The following PON3 variants were observed in gnomAD, a reference collection of about 807,000 sequenced individuals.
PON3 encodes the protein serum paraoxonase/lactonase 3.
A neutral mutation model predicts 36.3 loss-of-function variants in PON3; 37 were observed. The ratio of observed to expected loss-of-function variants is 1.02; its 90% CI spans 0.78 to 1.34. The LOEUF (loss-of-function observed/expected upper bound fraction) is 1.34, where lower values mean the gene tolerates loss of function less well. Ranked by LOEUF, PON3 falls within the 40% of genes most tolerant of loss-of-function variation. The probability of loss-of-function intolerance (pLI) is 0.00; values close to 1 mark genes in which losing one functional copy is unlikely to be tolerated. For synonymous variants in PON3, 155 were observed against 154.8 expected (o/e 1.00, Z -0.01); for missense variants, 415 against 426.5 (o/e 0.97, Z 0.24).
chr7:95,384,175 C>T (rs1160371881), intron 3 of PON3, among the ~76,000 whole-genome samples: 2 of 152,138 alleles, frequency 1.3e-5, no homozygotes, highest in African/African-American at 4.8e-5. Context: ...AACTGGATCC[C>T]TTCCTCACAC....
chr7:95,386,254 A>G (rs552331341), intron 3 of PON3, among the ~76,000 whole-genome samples: 2 of 152,230 alleles, frequency 1.3e-5, no homozygotes, highest in Non-Finnish European at 2.9e-5. Context: ...TAAAGAAGAA[A>G]TGAGAGACGA....
Position 95,362,448 on chromosome 7 carries a change from G to A in PON3, c.820C>T (p.Pro274Ser), listed in dbSNP as rs1265571309. The A allele has an allele frequency of 1.9e-6, 3 of 1,613,694 alleles. No homozygotes were observed. Among genetic ancestry groups the A allele is most frequent in the South Asian group, 1.1e-5 (1 of 91,068 alleles). ...CCTGCCAAAATGTCTCCTGTGGCAG[G>A]ATCGACAGTCAGGTTATCCACTAAG... ...GTLVDNLTVD[P>S]ATGDILAGCH... Residue 274 changes from proline to serine, a missense_variant, in exon 8 of 9, where the codon CCT becomes TCT. By Grantham distance (74) the Pro-to-Ser change is moderately conservative. Transcript: ENST00000265627.
intron 4 of PON3, among the ~76,000 whole-genome samples, chr7:95,370,714 T>A (rs1388595207): frequency 6.6e-6 from 1 of 152,232 alleles, no homozygotes; most frequent in African/African-American, 2.4e-5. Flanking sequence ...AATTATGAAC[T>A]GTGAACAAGT....
chr7:95,367,303 A>G, intron 5 of PON3, 59 bp downstream of exon 5: 1 of 1,596,378 alleles, frequency 6.3e-7, no homozygotes, highest in Admixed American at 1.7e-5. Flanking sequence ...ACCAAAAAAT[A>G]CAAAGCACAC....
chr7:95,384,318 C>A (rs1187490742), intron 3 of PON3, among the ~76,000 whole-genome samples: 1 of 152,094 alleles, frequency 6.6e-6, no homozygotes, highest in African/African-American at 2.4e-5. Flanking sequence ...ACTAAAACAC[C>A]AAAAGCAATG....
At chr7:95,377,750 C>G in intron 3 of PON3, 1 of 172,482 alleles carries the variant, frequency 5.8e-6, no homozygotes, top group Non-Finnish European at 1.3e-5. Flanking sequence ...AAGAGCACAT[C>G]TACACCAAAA....
chr7:95,359,943 C>CTT lies in PON3; in HGVS notation c.*28_*29dup, dbSNP rs76171675. 12,427 of 1,460,498 alleles carry CTT rather than the reference C, an allele frequency of 8.5e-3. 112 individuals are homozygous for CTT. Among genetic ancestry groups the CTT allele is most frequent in the African/African-American group, 0.056 (3,742 of 66,546 alleles). The allele number at this position is 1,460,498 out of a possible 1,614,324, so 90.5% of individuals were successfully genotyped here. On this transcript the variant is annotated 3_prime_UTR_variant, in exon 9 of 9. Coordinates refer to ENST00000265627, the MANE Select transcript of PON3 (RefSeq NM_000940.3). ...AGTTTACTTTTACAAAATATGTAGA[C>CTT]TTTTTTTTTTTTTTTTTACTATCTA... is the stretch of plus-strand genomic sequence containing the variant.
intron 5 of PON3, among the ~76,000 whole-genome samples, chr7:95,366,834 T>A (rs773386230): frequency 8.5e-5 from 13 of 152,262 alleles, no homozygotes; most frequent in Middle Eastern, 3.2e-3. Context: ...TTTGTGAGAA[T>A]TAAGTTAAAT....
chr7:95,396,358 G>C lies in PON3; in HGVS notation c.-8C>G. ...CGCCACGAGCTTCCCCATGGTCTCG[G>C]GGTGCCCAGCGGCGACTGCGCGGCG... On this transcript the variant is annotated 5_prime_UTR_variant, in exon 1 of 9. Transcript: ENST00000265627. 1 of 1,613,780 alleles carries C rather than the reference G, an allele frequency of 6.2e-7. No homozygotes were observed. Among genetic ancestry groups the C allele is most frequent in the Non-Finnish European group, 8.5e-7 (1 of 1,179,870 alleles).
intron 3 of PON3, among the ~76,000 whole-genome samples, chr7:95,376,755 G>A (rs900795488): frequency 4.6e-5 from 7 of 152,112 alleles, no homozygotes; most frequent in Non-Finnish European, 7.4e-5. Context: ...GCATAACATT[G>A]AAAATTTAAA....
intron 1 of PON3, 153 bp downstream of exon 1, chr7:95,396,124 G>C: frequency 1.2e-6 from 1 of 804,004 alleles, no homozygotes; most frequent in South Asian, 1.4e-5. Flanking sequence ...CCATAAGCGA[G>C]TCTCAAGGGG....
At chr7:95,378,167 G>T (rs1808963134) in intron 3 of PON3, among the ~76,000 whole-genome samples, 1 of 152,084 alleles carries the variant, frequency 6.6e-6, no homozygotes, top group African/African-American at 2.4e-5. Flanking sequence ...AGTGATTGAA[G>T]ACCAAAGTAA....
At chr7:95,390,000 C>T (rs73708231) in intron 3 of PON3, among the ~76,000 whole-genome samples, 154 bp downstream of exon 3, 12 of 152,298 alleles carry the variant, frequency 7.9e-5, no homozygotes, top group African/African-American at 2.6e-4. Context: ...CTAATTAGCC[C>T]TCCAAAATTC....
chr7:95,368,315 C>T (rs1182185426), intron 4 of PON3, among the ~76,000 whole-genome samples: 1 of 152,208 alleles, frequency 6.6e-6, no homozygotes, highest in Non-Finnish European at 1.5e-5. Context: ...CGTGATGGAA[C>T]AAGCCCAAAC....
At chr7:95,376,121 G>A (rs1386755743) in intron 3 of PON3, among the ~76,000 whole-genome samples, 1 of 152,174 alleles carries the variant, frequency 6.6e-6, no homozygotes, top group African/African-American at 2.4e-5. Flanking sequence ...CTCAGGGGAT[G>A]TGAGGGAATA....
Position 95,396,337 on chromosome 7 carries a change from A to C in PON3, c.14T>G (p.Val5Gly). 6.2e-7 allele frequency: 1 copy of C among 1,613,870 alleles called. No individual in the cohort carries two copies. The highest frequency in any genetic ancestry group is 8.5e-7 in the Non-Finnish European group (1 of 1,179,924). Residue 5 changes from valine (V) to glycine (G), a missense_variant, in exon 1 of 9, where the codon GTG becomes GGG. Physicochemically the swap from Val to Gly is moderately radical, Grantham distance 109 (BLOSUM62 -3). Coordinates refer to ENST00000265627, the MANE Select transcript of PON3 (RefSeq NM_000940.3). MGKL[V>G]ALVLLGVGLS... ...GCCGACCCCCAGCAGGACCAGCGCCACGAGCTTCCCCATGGTCTCGGGGTG... is the reference window on the plus strand; with the variant it reads ...GCCGACCCCCAGCAGGACCAGCGCCCCGAGCTTCCCCATGGTCTCGGGGTG...
chr7:95,365,031 C>T (rs781588125), intron 5 of PON3: 3 of 152,142 alleles, frequency 2.0e-5, no homozygotes, highest in African/African-American at 7.2e-5. Context: ...CAAGGTCACT[C>T]GGCTACTCAC....
intron 3 of PON3, among the ~76,000 whole-genome samples, chr7:95,380,683 C>A (rs960030160): frequency 5.9e-5 from 9 of 152,098 alleles, no homozygotes; most frequent in African/African-American, 2.2e-4. Context: ...ACAAAGCCTC[C>A]AAGAAATATG....
At chr7:95,383,663 T>C (rs560511485) in intron 3 of PON3, among the ~76,000 whole-genome samples, 2 of 152,228 alleles carry the variant, frequency 1.3e-5, no homozygotes, top group South Asian at 4.1e-4. Flanking sequence ...GAAGGACCTC[T>C]TCAAGGAGAA....
Sources: allele counts gnomAD v4.1 joint callset (sites outside exome capture counted in the v4.1 genomes callset), GRCh38; gene constraint gnomAD v4.1.1; transcripts MANE v1.5; gene names NCBI Gene and HGNC (gene_info 2026-07-23, HGNC 2026-07-21).